MADD: variants seen among roughly 807,000 people sequenced by gnomAD.
MADD encodes the protein MAP kinase activating death domain.
A neutral mutation model predicts 176.7 loss-of-function variants in MADD; 109 were observed. The ratio of observed to expected loss-of-function variants is 0.62; its 90% confidence interval spans 0.53 to 0.72. MADD has a LOEUF of 0.72. Ranked by LOEUF, MADD falls within the 30% of genes least tolerant of loss-of-function variation. MADD has a pLI of 0.00. For synonymous variants in MADD, 771 were observed against 771.3 expected (o/e 1.00, Z 0.01); for missense variants, 1,914 against 2,045.5 (o/e 0.94, Z 1.24).
At chr11:47,299,684 C>T (rs547959915) in intron 22 of MADD, among the ~76,000 whole-genome samples, 11 of 124,124 alleles carry the variant, frequency 8.9e-5, no homozygotes, top group East Asian at 2.7e-4. Context: ...CATGCACCAC[C>T]GTGCCCAGCT....
intron 1 of MADD, among the ~76,000 whole-genome samples, chr11:47,272,727 C>CA (rs2045849385): frequency 6.6e-6 from 1 of 152,168 alleles, no homozygotes; most frequent in African/African-American, 2.4e-5. Context: ...AATTTTAGGA[C>CA]ATAGTTTAGA....
chr11:47,295,771 T>C lies in MADD; in HGVS notation c.3484-126T>C, dbSNP rs551764355. 33 of 1,523,900 alleles carry C rather than the reference T, an allele frequency of 2.2e-5. 1 individual carries two copies. In the South Asian group the frequency reaches 4.0e-4, roughly 18 times the overall value. 94.4% of individuals were successfully genotyped at this position (1,523,900 alleles called of 1,614,324 possible). On this transcript the variant is annotated intron_variant, in intron 21 of 32. Coordinates refer to ENST00000402192, the Ensembl canonical transcript of MADD. ...CTTCTCATCTTATAAAGAAGGTACTTCCAGAGGCTATCTGACACACTTTTG... is the reference window on the plus strand; with the variant it reads ...CTTCTCATCTTATAAAGAAGGTACTCCCAGAGGCTATCTGACACACTTTTG...
At chr11:47,315,285 A>G (rs1324286051) in exon 27 of MADD, 4 of 1,613,734 alleles carry the variant, frequency 2.5e-6, no homozygotes, top group Admixed American at 1.7e-5. Flanking sequence ...CATTTGTGGT[A>G]CATGCAGGGA....
At position 47,293,995 on chromosome 11, in the gene MADD, C is replaced by G. The variant is rs1205774606; in HGVS notation, c.3402+12C>G. 1.2e-6 allele frequency: 2 copies of G among 1,604,718 alleles called. No homozygotes were observed. Among genetic ancestry groups the G allele is most frequent in the Non-Finnish European group, 1.7e-6 (2 of 1,171,678 alleles). The stretch of plus-strand genomic sequence containing the variant: ...CGTCTAGTTCCCAGGTTTGTGACAA[C>G]CTTGTTGAAATTTGCAAGTATTAAA... On this transcript the variant is annotated intron_variant, in intron 20 of 32. Transcript: ENST00000402192.
intron 1 of MADD, among the ~76,000 whole-genome samples, chr11:47,272,522 A>G (rs898835621): frequency 4.6e-5 from 7 of 152,146 alleles, no homozygotes; most frequent in Non-Finnish European, 8.8e-5. Context: ...TGTGCATTGA[A>G]CAAGGTCTTA....
At chr11:47,294,497 C>G (rs1295003788) in intron 20 of MADD, among the ~76,000 whole-genome samples, 4 of 151,682 alleles carry the variant, frequency 2.6e-5, no homozygotes, top group African/African-American at 9.7e-5. Flanking sequence ...TAGTGAAACC[C>G]CGTCTCTACT....
At chr11:47,327,422 T>C in intron 31 of MADD, 1 of 985,430 alleles carries the variant, frequency 1.0e-6, no homozygotes, top group Non-Finnish European at 1.2e-6. Context: ...ATCGCTGCTA[T>C]GAAAACCTTC....
rs189852504 is a variant in MADD at position 47,297,852 on chromosome 11, G to A, written c.3642+1797G>A. On this transcript the variant is annotated intron_variant, in intron 22 of 32. Transcript: ENST00000402192. ...CGCCCAGGCTGGAGTGCAGTGGCGC[G>A]ATCTCTGCTCACTGCAATCTCCACC... Among the ~76,000 whole-genome samples the A allele has an allele frequency of 2.8e-5, 4 of 144,908 alleles. No homozygotes were observed. The East Asian group carries it at 8.1e-4, about 29-fold the overall frequency.
chr11:47,281,974 A>G (rs2057237559), intron 8 of MADD, among the ~76,000 whole-genome samples: 1 of 150,010 alleles, frequency 6.7e-6, no homozygotes, highest in Non-Finnish European at 1.5e-5. Context: ...GGCTGGGATT[A>G]CAGGCGCCTG....
At chr11:47,316,127 C>T (rs903867727) in intron 27 of MADD, among the ~76,000 whole-genome samples, 2 of 151,926 alleles carry the variant, frequency 1.3e-5, no homozygotes, top group Admixed American at 6.6e-5. Flanking sequence ...TGAGCCACTG[C>T]GCCCGGCCCC....
exon 24 of MADD, chr11:47,309,377 A>G: frequency 3.7e-6 from 6 of 1,614,214 alleles, no homozygotes; most frequent in Non-Finnish European, 4.2e-6. Flanking sequence ...GGTATGGACC[A>G]GGGTCCCCAG....
At chr11:47,276,147 T>G in exon 4 of MADD, 2 of 1,614,156 alleles carry the variant, frequency 1.2e-6, no homozygotes, top group Non-Finnish European at 1.7e-6. Flanking sequence ...CCCTTGGAAC[T>G]TCTAGGTGTG....
At chr11:47,313,127 C>T (rs778361498) in intron 26 of MADD, among the ~76,000 whole-genome samples, 3 of 152,168 alleles carry the variant, frequency 2.0e-5, no homozygotes, top group Non-Finnish European at 2.9e-5. Flanking sequence ...TAAGATTCAG[C>T]TTTTAAGTGA....
chr11:47,327,546 C>T (rs559942453), intron 31 of MADD: 61 of 985,392 alleles, frequency 6.2e-5, no homozygotes, highest in South Asian at 2.4e-4. Context: ...ACTGCCAGCT[C>T]GTCTCTTCCT....
chr11:47,329,095 C>T, exon 33 of MADD: 1 of 1,614,172 alleles, frequency 6.2e-7, no homozygotes, highest in Non-Finnish European at 8.5e-7. Context: ...TACGTGGCTG[C>T]AGTTCATAGC....
chr11:47,328,614 T>G (rs765323260), intron 31 of MADD, 44 bp from the exon 36 acceptor site: 11 of 1,613,842 alleles, frequency 6.8e-6, no homozygotes, highest in Non-Finnish European at 9.3e-6. Context: ...CGATTGCTCT[T>G]AGTGTTGAAC....
intron 20 of MADD, among the ~76,000 whole-genome samples, chr11:47,294,987 C>T (rs536178648): frequency 2.0e-5 from 3 of 151,130 alleles, no homozygotes; most frequent in Admixed American, 1.3e-4. Context: ...TGAGCATGTA[C>T]TTCTTTAACG....
intron 3 of MADD, among the ~76,000 whole-genome samples, chr11:47,275,517 C>G (rs2048894116): frequency 6.6e-6 from 1 of 152,202 alleles, no homozygotes; most frequent in Non-Finnish European, 1.5e-5. Flanking sequence ...TCTCAAACTC[C>G]TCACCTCAGG....
intron 5 of MADD, among the ~76,000 whole-genome samples, chr11:47,277,343 A>G (rs1376229219): frequency 6.6e-6 from 1 of 152,180 alleles, no homozygotes; most frequent in East Asian, 1.9e-4. Context: ...CCCAGGCTGG[A>G]GTACAGTGGC....
Sources: allele counts gnomAD v4.1 joint callset (sites outside exome capture counted in the v4.1 genomes callset), GRCh38; gene constraint gnomAD v4.1.1; transcripts MANE v1.5; gene names NCBI Gene and HGNC (gene_info 2026-07-23, HGNC 2026-07-21).